The following PAQR5 variants were observed in gnomAD, a reference collection of about 807,000 sequenced individuals.
The protein encoded by PAQR5 is progestin and adipoQ receptor family member 5.
A neutral mutation model predicts 34.5 loss-of-function variants in PAQR5; 20 were observed. The ratio of observed to expected loss-of-function variants is 0.58; its 90% CI spans 0.41 to 0.84. The LOEUF (loss-of-function observed/expected upper bound fraction) is 0.84. PAQR5 is among the 40% of genes least tolerant of loss of function. The probability of loss-of-function intolerance (pLI) is 0.00; values close to 1 mark genes in which losing one functional copy is unlikely to be tolerated. For synonymous variants in PAQR5, 131 were observed against 155.6 expected, an observed-to-expected ratio of 0.84 and a Z score of 1.18; for missense variants, 378 against 412.7, an observed-to-expected ratio of 0.92 and a Z score of 0.73.
chr15:69,366,841 C>T (rs958123054), intron 3 of PAQR5, among the ~76,000 whole-genome samples: 11 of 151,930 alleles, frequency 7.2e-5, no homozygotes, highest in Non-Finnish European at 1.2e-4. Flanking sequence ...TTTTACTTTA[C>T]GTATTTTGAG....
intron 2 of PAQR5, among the ~76,000 whole-genome samples, chr15:69,341,884 C>T (rs1235231035): frequency 1.4e-5 from 2 of 143,660 alleles, no homozygotes; most frequent in African/African-American, 5.2e-5. Flanking sequence ...GTCAAGTCTG[C>T]AGTGAGGCAC....
intron 2 of PAQR5, among the ~76,000 whole-genome samples, chr15:69,352,685 A>T (rs2140799350): frequency 6.6e-6 from 1 of 152,322 alleles, no homozygotes; most frequent in Middle Eastern, 3.4e-3. Flanking sequence ...TAGTGAAGGG[A>T]ACTCTTCTCA....
chr15:69,346,044 C>T (rs2054760328), intron 2 of PAQR5, among the ~76,000 whole-genome samples: 2 of 152,260 alleles, frequency 1.3e-5, no homozygotes, highest in South Asian at 4.1e-4. Context: ...TTCTTAGAGG[C>T]CCTTTTGTTT....
intron 5 of PAQR5, among the ~76,000 whole-genome samples, chr15:69,386,718 T>G (rs2056120578): frequency 6.6e-6 from 1 of 151,700 alleles, no homozygotes; most frequent in Non-Finnish European, 1.5e-5. Flanking sequence ...TCTCACACGA[T>G]CCGGCTCCCC....
At chr15:69,398,241 TG>T (rs556625189) in intron 7 of PAQR5, among the ~76,000 whole-genome samples, 25 of 152,054 alleles carry the variant, frequency 1.6e-4, no homozygotes, top group African/African-American at 5.3e-4. Flanking sequence ...AAAGGAGCGA[TG>T]GGAAAGAGAT....
At chr15:69,346,297 A>ATTTTTTTTT (rs34728909) in intron 2 of PAQR5, among the ~76,000 whole-genome samples, 5 of 81,494 alleles carry the variant, frequency 6.1e-5, no homozygotes, top group Non-Finnish European at 1.0e-4. Context: ...ATATTTTGTA[A>ATTTTTTTTT]TTTTTTTTTT....
intron 1 of PAQR5, among the ~76,000 whole-genome samples, chr15:69,332,245 A>T (rs1449279479): frequency 6.6e-6 from 1 of 152,210 alleles, no homozygotes; most frequent in Admixed American, 6.5e-5. Context: ...GTATCACAGG[A>T]TAGAATGTGG....
In PAQR5 at chr15:69,322,742, A is replaced by C. The variant is rs898487828; in HGVS notation, c.-276-14599A>C. 2.7e-3 allele frequency among the ~76,000 whole-genome samples: 97 copies of C among 35,488 alleles called. 15 individuals carry two copies. The highest frequency in any genetic ancestry group is 4.0e-3 in the South Asian group (3 of 746). The allele number at this position is 35,488 out of a possible 152,430, so 23.3% of individuals were successfully genotyped here. On this transcript the variant is annotated intron_variant, in intron 1 of 8. Coordinates refer to ENST00000395407, the MANE Select transcript of PAQR5 (RefSeq NM_017705.4). ...AAGAAGAAGAAGAAGAAGAAGAAGA[A>C]GAAGAAGAAGAAGAAGAAGAAGAAG...
intron 2 of PAQR5, among the ~76,000 whole-genome samples, chr15:69,354,174 C>A (rs1457410795): frequency 6.6e-6 from 1 of 152,154 alleles, no homozygotes; most frequent in Admixed American, 6.5e-5. Flanking sequence ...AAGTAAAGAA[C>A]CATGACCAAC....
At chr15:69,377,981 G>T (rs2140909112) in intron 3 of PAQR5, among the ~76,000 whole-genome samples, 1 of 152,104 alleles carries the variant, frequency 6.6e-6, no homozygotes, top group African/African-American at 2.4e-5. Context: ...TAAAAAATTA[G>T]GCTGGGCGTG....
intron 2 of PAQR5, among the ~76,000 whole-genome samples, chr15:69,356,652 C>T (rs892574320): frequency 6.6e-6 from 1 of 152,088 alleles, no homozygotes; most frequent in African/African-American, 2.4e-5. Context: ...ATTCTTTCCC[C>T]CAAGCCCCTG....
chr15:69,310,134 AT>A (rs1464655063), intron 1 of PAQR5, among the ~76,000 whole-genome samples: 1 of 152,198 alleles, frequency 6.6e-6, no homozygotes, highest in Non-Finnish European at 1.5e-5. Context: ...CACATAACTT[AT>A]TTAACTAATC....
chr15:69,358,255 C>T (rs1166827572), intron 2 of PAQR5, among the ~76,000 whole-genome samples: 2 of 152,162 alleles, frequency 1.3e-5, no homozygotes, highest in Admixed American at 6.5e-5. Context: ...CTTAAGTGGT[C>T]TTCATCCTGC....
intron 3 of PAQR5, among the ~76,000 whole-genome samples, chr15:69,360,434 T>C (rs1325769268): frequency 1.3e-5 from 2 of 152,228 alleles, no homozygotes; most frequent in South Asian, 2.1e-4. Flanking sequence ...GCTGGCTGGG[T>C]AGGAAGTTTA....
At chr15:69,378,461 A>G (rs1253786727) in intron 3 of PAQR5, among the ~76,000 whole-genome samples, 2 of 104,918 alleles carry the variant, frequency 1.9e-5, no homozygotes, top group African/African-American at 6.9e-5. Context: ...AAAAAAAAAG[A>G]GAGAGAGAGA....
intron 5 of PAQR5, among the ~76,000 whole-genome samples, chr15:69,387,153 C>T (rs1430305634): frequency 6.6e-6 from 1 of 152,238 alleles, no homozygotes; most frequent in Non-Finnish European, 1.5e-5. Flanking sequence ...TACCACATCA[C>T]CCTCCCACTG....
intron 1 of PAQR5, among the ~76,000 whole-genome samples, chr15:69,307,972 G>C (rs1336408761): frequency 6.6e-6 from 1 of 152,190 alleles, no homozygotes; most frequent in Non-Finnish European, 1.5e-5. Flanking sequence ...TGGCTTTAAG[G>C]GGCCCACAGA....
intron 4 of PAQR5, among the ~76,000 whole-genome samples, chr15:69,382,686 ATATATATATATATATATATG>A (rs2055926544): frequency 2.5e-5 from 3 of 118,378 alleles, no homozygotes; most frequent in Admixed American, 1.7e-4. Context: ...ATATATATAT[ATATATATATATATATATATG>A]TATGTATGTA....
chr15:69,355,293 TTTCTTTCTTTCTTTCTTTC>T (rs1644934531), intron 2 of PAQR5, among the ~76,000 whole-genome samples: 1 of 85,814 alleles, frequency 1.2e-5, no homozygotes, highest in African/African-American at 5.2e-5. Context: ...CTTTCTTTTC[TTTCTTTCTTTCTTTCTTTC>T]TTTCTTTCTT....
Sources: allele counts gnomAD v4.1 joint callset (sites outside exome capture counted in the v4.1 genomes callset), GRCh38; gene constraint gnomAD v4.1.1; transcripts MANE v1.5; gene names NCBI Gene and HGNC (gene_info 2026-07-23, HGNC 2026-07-21).